PLCG2: variants seen among roughly 807,000 people sequenced by gnomAD.
PLCG2 encodes phospholipase C gamma 2, also known as 1-phosphatidylinositol 4,5-bisphosphate phosphodiesterase gamma-2.
In PLCG2, 69 loss-of-function variants were observed where a neutral mutation model predicts 175.6. The observed-to-expected ratio is 0.39, with a 90% CI of 0.32 to 0.48. The LOEUF is 0.48. Ranked by LOEUF, PLCG2 falls within the 20% of genes least tolerant of loss-of-function variation. The pLI, the probability that PLCG2 is intolerant of heterozygous loss-of-function variation, is 0.91. For missense variants in PLCG2, 1,798 were observed against 1,650.9 expected (o/e 1.09, Z -1.54); for synonymous variants, 827 against 624.0 (o/e 1.33, Z -4.85).
In PLCG2 at chr16:81,797,623, A is replaced by G. The variant is rs1159682497; in HGVS notation, c.193+11441A>G. Among the ~76,000 whole-genome samples, 9 of 152,208 alleles carry G rather than the reference A, an allele frequency of 5.9e-5. No individual in the cohort carries two copies. The East Asian group carries it at 1.5e-3, about 26-fold the overall frequency. ...CCTCAGATACCTGGTTAACAGATGA[A>G]TCAGGAAAAGGCCCTGGCTGCCCCT... On this transcript the variant is annotated intron_variant, in intron 2 of 32. Transcript: ENST00000564138.
intron 14 of PLCG2, among the ~76,000 whole-genome samples, chr16:81,904,862 T>C (rs1909298924): frequency 1.3e-5 from 2 of 152,008 alleles, no homozygotes; most frequent in Non-Finnish European, 2.9e-5. Flanking sequence ...AGTGGCAGGA[T>C]AGGAAGGGGA....
chr16:81,897,740 T>C (rs958645858), intron 13 of PLCG2: 53 of 415,772 alleles, frequency 1.3e-4, no homozygotes, highest in East Asian at 1.5e-4. Context: ...AGATAGGGTT[T>C]CACTATGTTG....
chr16:81,805,555 A>G (rs949025994), intron 2 of PLCG2, among the ~76,000 whole-genome samples: 3 of 151,252 alleles, frequency 2.0e-5, no homozygotes, highest in Non-Finnish European at 4.4e-5. Context: ...ACCAAAAACA[A>G]AAGCTCAACA....
intron 9 of PLCG2, among the ~76,000 whole-genome samples, chr16:81,885,440 A>C (rs1264315852): frequency 6.6e-6 from 1 of 152,202 alleles, no homozygotes; most frequent in Non-Finnish European, 1.5e-5. Flanking sequence ...CTGGGATTAC[A>C]GATGTGAGGC....
Position 81,962,452 on chromosome 16 carries a change from G to C in PLCG2, c.*4454G>C, listed in dbSNP as rs1475810876. 9.3e-6 allele frequency: 2 copies of C among 215,840 alleles called. No individual in the cohort carries two copies. Among genetic ancestry groups the C allele is most frequent in the African/African-American group, 4.5e-5 (2 of 44,448 alleles). The allele number at this position is 215,840 out of a possible 1,614,324, so 13.4% of individuals were successfully genotyped here. A position where few individuals can be genotyped will look rare whatever the true frequency, so the allele number is the denominator to read the frequency against. On this transcript the variant is annotated 3_prime_UTR_variant, in exon 33 of 33. Transcript: ENST00000564138. ...TTTCTTTTTGAAGAGCCAGATTCCAGTGATCCTGCCTCTCAGAAATTTCCA... is the reference window on the plus strand; with the variant it reads ...TTTCTTTTTGAAGAGCCAGATTCCACTGATCCTGCCTCTCAGAAATTTCCA...
intron 3 of PLCG2, among the ~76,000 whole-genome samples, chr16:81,854,957 C>A (rs1235201856): frequency 6.6e-6 from 1 of 152,080 alleles, no homozygotes; most frequent in South Asian, 2.1e-4. Context: ...TCCCTGTAAT[C>A]CCAGCACTTT....
chr16:81,835,780 C>T (rs1905481848), intron 2 of PLCG2, among the ~76,000 whole-genome samples: 1 of 152,028 alleles, frequency 6.6e-6, no homozygotes, highest in African/African-American at 2.4e-5. Flanking sequence ...GGCAGTGCTC[C>T]CGCTGGAGGC....
At chr16:81,928,667 C>T (rs778283556) in intron 24 of PLCG2, 43 bp downstream of exon 24, 10 of 1,371,526 alleles carry the variant, frequency 7.3e-6, no homozygotes, top group Non-Finnish European at 9.4e-6. Context: ...CACCCCTATC[C>T]CCCATGGGCT....
intron 11 of PLCG2, among the ~76,000 whole-genome samples, chr16:81,892,358 G>C (rs945179235): frequency 2.0e-5 from 3 of 152,176 alleles, no homozygotes; most frequent in African/African-American, 7.2e-5. Flanking sequence ...GAGGATACAG[G>C]ATGTTGCGCT....
intron 1 of PLCG2, among the ~76,000 whole-genome samples, chr16:81,752,859 C>T (rs1909840443): frequency 6.6e-6 from 1 of 152,242 alleles, no homozygotes; most frequent in African/African-American, 2.4e-5. Context: ...GAGAGGACAG[C>T]TATGAAAGAC....
At chr16:81,864,535 T>G (rs929113320) in intron 5 of PLCG2, among the ~76,000 whole-genome samples, 1 of 152,166 alleles carries the variant, frequency 6.6e-6, no homozygotes, top group Admixed American at 6.5e-5. Context: ...GGTAAATGAT[T>G]TAATTTCTGT....
chr16:81,889,464 T>C (rs1848285060), intron 10 of PLCG2, 191 bp downstream of exon 10: 2 of 521,792 alleles, frequency 3.8e-6, no homozygotes. Flanking sequence ...TTACTGTAAC[T>C]GTAACTGCCC....
intron 2 of PLCG2, among the ~76,000 whole-genome samples, chr16:81,790,573 C>T (rs1911186637): frequency 1.3e-5 from 2 of 152,188 alleles, no homozygotes; most frequent in South Asian, 2.1e-4. Context: ...TTCTGGTTAG[C>T]AGGAACTTGC....
At chr16:81,837,622 C>T (rs570346088) in intron 2 of PLCG2, among the ~76,000 whole-genome samples, 1 of 151,804 alleles carries the variant, frequency 6.6e-6, no homozygotes, top group Non-Finnish European at 1.5e-5. Flanking sequence ...GTGTGGTTTC[C>T]TTCTCAGTTC....
intron 13 of PLCG2, 112 bp from the exon 14 acceptor site, chr16:81,900,500 C>T (rs1909101832): frequency 2.1e-6 from 2 of 936,070 alleles, no homozygotes; most frequent in South Asian, 2.0e-5. Context: ...GTTGTGCCCC[C>T]CGAGCAGCGC....
intron 15 of PLCG2, among the ~76,000 whole-genome samples, chr16:81,906,904 G>T (rs1019731873): frequency 1.3e-5 from 2 of 152,082 alleles, no homozygotes; most frequent in African/African-American, 4.8e-5. Context: ...TGGGCATGGT[G>T]GCACGTGCCT....
rs779117772 is a variant in PLCG2 at position 81,912,567 on chromosome 16, C to G, written c.1935-30C>G. On this transcript the variant is annotated intron_variant, in intron 18 of 32. Coordinates refer to ENST00000564138, the MANE Select transcript of PLCG2 (RefSeq NM_002661.5). ...CACTGACAGCCTGGAGACCGCTCAC[C>G]TGGTCGTTTTCCCTGGCCCTGTGCC... The G allele has an allele frequency of 1.9e-6, 3 of 1,610,518 alleles. No individual in the cohort carries two copies. In the Admixed American group the frequency reaches 5.0e-5, roughly 27 times the overall value.
rs140027301 is a variant in PLCG2 at position 81,951,256 on chromosome 16, G to A, written c.3570+4993G>A. Among the ~76,000 whole-genome samples, 439 of 152,292 alleles carry A rather than the reference G, an allele frequency of 2.9e-3. 1 individual carries two copies. Among genetic ancestry groups the A allele is most frequent in the African/African-American group, 0.01 (427 of 41,562 alleles). ...TGGAATTACACGTGTCAGCCACTGT[G>A]TCCAGCCCTCAAAAGACCAGTTAAA... is the stretch of plus-strand genomic sequence containing the variant. On this transcript the variant is annotated intron_variant, in intron 31 of 32. Coordinates refer to ENST00000564138, the MANE Select transcript of PLCG2 (RefSeq NM_002661.5).
At chr16:81,922,482 C>T (rs763318870) in intron 21 of PLCG2, among the ~76,000 whole-genome samples, 14 of 152,228 alleles carry the variant, frequency 9.2e-5, no homozygotes, top group Non-Finnish European at 1.8e-4. Flanking sequence ...AAGCTGTTGT[C>T]AGTTTTATCA....
Sources: allele counts gnomAD v4.1 joint callset (sites outside exome capture counted in the v4.1 genomes callset), GRCh38; gene constraint gnomAD v4.1.1; transcripts MANE v1.5; gene names NCBI Gene and HGNC (gene_info 2026-07-23, HGNC 2026-07-21).